The following KDM4C variants were observed in gnomAD, a reference collection of about 807,000 sequenced individuals.
KDM4C encodes lysine demethylase 4C.
KDM4C carries 81 observed loss-of-function variants against 129.3 expected under a neutral mutation model. The ratio of observed to expected loss-of-function variants is 0.63; its 90% CI spans 0.52 to 0.75. The LOEUF is 0.75. Ranked by LOEUF, KDM4C falls within the 30% of genes least tolerant of loss-of-function variation. The pLI, the probability that KDM4C is intolerant of heterozygous loss-of-function variation, is 0.00. For synonymous variants in KDM4C, 573 were observed against 456.1 expected, an observed-to-expected ratio of 1.26 and a Z score of -3.26; for missense variants, 1,457 against 1,304.0, an observed-to-expected ratio of 1.12 and a Z score of -1.81.
At chr9:6,951,732 T>A (rs761353464) in intron 8 of KDM4C, among the ~76,000 whole-genome samples, 1 of 152,220 alleles carries the variant, frequency 6.6e-6, no homozygotes, top group Non-Finnish European at 1.5e-5. Flanking sequence ...TCCTATTTCA[T>A]GCATTTAATC....
At chr9:7,075,051 A>G (rs939754916) in intron 17 of KDM4C, among the ~76,000 whole-genome samples, 3 of 152,162 alleles carry the variant, frequency 2.0e-5, no homozygotes, top group Admixed American at 6.5e-5. Flanking sequence ...TTCTTGAACA[A>G]AAGTAGGGAT....
chr9:6,766,067 G>A (rs1220552137), intron 1 of KDM4C, among the ~76,000 whole-genome samples: 1 of 152,052 alleles, frequency 6.6e-6, no homozygotes, highest in African/African-American at 2.4e-5. Context: ...GGGATTACAG[G>A]CAATAGCCAC....
intron 7 of KDM4C, among the ~76,000 whole-genome samples, chr9:6,888,671 A>C (rs1312342256): frequency 6.6e-6 from 1 of 152,164 alleles, no homozygotes; most frequent in Non-Finnish European, 1.5e-5. Context: ...GAAGCAGCTG[A>C]TATGAAAAAA....
chr9:6,775,813 G>T (rs897238688), intron 1 of KDM4C, among the ~76,000 whole-genome samples: 1 of 152,152 alleles, frequency 6.6e-6, no homozygotes, highest in African/African-American at 2.4e-5. Flanking sequence ...GAGCCACTGC[G>T]CCCAGCGACA....
At chr9:7,127,387 A>T (rs1424208805) in intron 18 of KDM4C, among the ~76,000 whole-genome samples, 2 of 152,214 alleles carry the variant, frequency 1.3e-5, no homozygotes, top group African/African-American at 2.4e-5. Flanking sequence ...GTGCCTTCAG[A>T]ATATCCTGAG....
intron 12 of KDM4C, among the ~76,000 whole-genome samples, chr9:6,996,437 A>G (rs1183745774): frequency 1.3e-5 from 2 of 152,124 alleles, no homozygotes; most frequent in Non-Finnish European, 2.9e-5. Context: ...TTATTTTACT[A>G]TATTGTTTTC....
intron 1 of KDM4C, among the ~76,000 whole-genome samples, chr9:6,780,668 C>T (rs546765868): frequency 1.1e-4 from 16 of 145,360 alleles, no homozygotes; most frequent in African/African-American, 3.8e-4. Context: ...TTGGGAAGGC[C>T]GAGGCAGGAG....
intron 1 of KDM4C, among the ~76,000 whole-genome samples, chr9:6,764,976 C>T (rs1039725441): frequency 3.3e-5 from 5 of 152,192 alleles, no homozygotes; most frequent in African/African-American, 9.7e-5. Flanking sequence ...TCAGCCCTCA[C>T]ATCCAAAGTA....
In KDM4C at chr9:7,165,873, T is replaced by A. The variant is rs1161517360; in HGVS notation, c.2901+516T>A. Among the ~76,000 whole-genome samples the A allele has an allele frequency of 2.0e-5, 3 of 152,252 alleles. No homozygotes were observed. The East Asian group carries it at 5.8e-4, about 29-fold the overall frequency. Reference sequence around the variant, plus strand: ...TATCATCCACCCAAGCTTAAAGGAATGCTTGTTTAAATGAAAAGTACAGCT... The same window carrying A: ...TATCATCCACCCAAGCTTAAAGGAAAGCTTGTTTAAATGAAAAGTACAGCT... On this transcript the variant is annotated intron_variant, in intron 20 of 21. Coordinates refer to ENST00000381309, the MANE Select transcript of KDM4C (RefSeq NM_015061.6).
chr9:7,155,395 A>T (rs1843059982), intron 19 of KDM4C, among the ~76,000 whole-genome samples: 1 of 152,054 alleles, frequency 6.6e-6, no homozygotes, highest in Admixed American at 6.5e-5. Flanking sequence ...TCTAGGGTAC[A>T]TGTGCACAAT....
Position 7,060,493 on chromosome 9 carries a change from A to ATTG in KDM4C, c.2424+11295_2424+11296insGTT, listed in dbSNP as rs1554721345. 2.1e-3 allele frequency among the ~76,000 whole-genome samples: 312 copies of ATTG among 145,118 alleles called. 1 individual carries two copies. The highest frequency in any genetic ancestry group is 4.9e-3 in the South Asian group (23 of 4,664). On this transcript the variant is annotated intron_variant, in intron 17 of 21. Transcript: ENST00000381309. ...TATTATTATTATTATTATTATTATT[A>ATTG]TTATTTTGAGATGGAGTCTTGGTCT...
In KDM4C at chr9:6,880,015, T is replaced by C. The variant is rs1844192800; in HGVS notation, c.633T>C (p.Tyr211=). 2 of 1,573,676 alleles carry C rather than the reference T, an allele frequency of 1.3e-6. No homozygotes were observed. Reference sequence around the variant, plus strand: ...TTACTTATGTTTAAAATTTTAGGTATGCTATACCTCCGGAGCATGGAAAAC... The same window carrying C: ...TTACTTATGTTTAAAATTTTAGGTACGCTATACCTCCGGAGCATGGAAAAC... The part of the protein sequence containing the change: ...YLHFGEPKSW[Y]AIPPEHGKRL... The change falls in exon 6 of 22, where the codon TAT becomes TAC. Residue 211 remains tyrosine, a synonymous_variant. Coordinates refer to ENST00000381309, the MANE Select transcript of KDM4C (RefSeq NM_015061.6).
chr9:6,814,870 A>G (rs1831797931), intron 4 of KDM4C, 125 bp downstream of exon 4: 2 of 490,338 alleles, frequency 4.1e-6, no homozygotes, highest in Admixed American at 3.8e-5. Context: ...TCAAAGGACA[A>G]CAGGAAATAT....
intron 7 of KDM4C, among the ~76,000 whole-genome samples, chr9:6,889,477 G>C (rs1363685103): frequency 6.6e-6 from 1 of 152,116 alleles, no homozygotes; most frequent in Non-Finnish European, 1.5e-5. Context: ...TGCGGGTGTA[G>C]GGAGGCACTA....
intron 17 of KDM4C, among the ~76,000 whole-genome samples, chr9:7,100,702 C>T (rs1198010662): frequency 6.6e-6 from 1 of 152,024 alleles, no homozygotes; most frequent in Non-Finnish European, 1.5e-5. Context: ...AAAATAATTA[C>T]CTCATGTTGA....
In KDM4C at chr9:6,814,659, G is replaced by C; in HGVS notation, c.349G>C (p.Glu117Gln). The change falls in exon 4 of 22, where the codon GAA becomes CAA. Residue 117 changes from glutamate (E) to glutamine (Q), a missense_variant. Glu to Gln is a conservative substitution (Grantham distance 29, BLOSUM62 2). Transcript: ENST00000381309. The part of the protein sequence containing the change: ...KYCTPRYLDY[E>Q]DLERKYWKNL... Reference sequence around the variant, plus strand: ...TTGTACTCCAAGATACTTGGATTACGAAGATTTGGAGCGCAAGTACTGGAA... The same window carrying C: ...TTGTACTCCAAGATACTTGGATTACCAAGATTTGGAGCGCAAGTACTGGAA... 1 of 1,605,354 alleles carries C rather than the reference G, an allele frequency of 6.2e-7. No homozygotes were observed. The highest frequency in any genetic ancestry group is 8.5e-7 in the Non-Finnish European group (1 of 1,175,740).
Position 6,976,172 on chromosome 9 carries a change from C to G in KDM4C, c.922-4753C>G, listed in dbSNP as rs533446397. On this transcript the variant is annotated intron_variant, in intron 8 of 21. Coordinates refer to ENST00000381309, the MANE Select transcript of KDM4C (RefSeq NM_015061.6). The stretch of plus-strand genomic sequence containing the variant: ...GAGGAGTTAGAATAAAATTATGTGT[C>G]AGGCCTAATTAATGATTTTGGCCCT... Among the ~76,000 whole-genome samples, 17 of 152,166 alleles carry G rather than the reference C, an allele frequency of 1.1e-4. No homozygotes were observed. In the South Asian group the frequency reaches 2.7e-3, roughly 24 times the overall value.
chr9:6,838,064 T>C (rs1836212011), intron 4 of KDM4C, among the ~76,000 whole-genome samples: 1 of 152,258 alleles, frequency 6.6e-6, no homozygotes, highest in Non-Finnish European at 1.5e-5. Flanking sequence ...CTGTTTCTCT[T>C]ATTTAACTCT....
intron 5 of KDM4C, among the ~76,000 whole-genome samples, chr9:6,851,567 A>G (rs903603628): frequency 1.3e-5 from 2 of 152,216 alleles, no homozygotes; most frequent in African/African-American, 4.8e-5. Context: ...GTAGGCAACT[A>G]CATACTATGT....
Sources: allele counts gnomAD v4.1 joint callset (sites outside exome capture counted in the v4.1 genomes callset), GRCh38; gene constraint gnomAD v4.1.1; transcripts MANE v1.5; gene names NCBI Gene and HGNC (gene_info 2026-07-23, HGNC 2026-07-21).